The following SYNDIG1L variants were observed in gnomAD, a reference collection of about 807,000 sequenced individuals.
SYNDIG1L encodes synapse differentiation-inducing gene protein 1-like.
Under a neutral mutation model 20.1 loss-of-function variants are expected in SYNDIG1L, and 13 were observed. That is an observed-to-expected ratio of 0.65 (90% confidence interval 0.42 to 1.03). The LOEUF is 1.03. Among genes scored for constraint, SYNDIG1L ranks in the 50% least tolerant of loss-of-function variants. SYNDIG1L has a pLI of 0.00. For missense variants in SYNDIG1L, 294 were observed against 305.1 expected, an observed-to-expected ratio of 0.96 and a Z score of 0.27; for synonymous variants, 128 against 129.3, an observed-to-expected ratio of 0.99 and a Z score of 0.07.
intron 2 of SYNDIG1L, 147 bp from the exon 3 acceptor site, chr14:74,408,136 G>T: frequency 1.1e-6 from 1 of 944,428 alleles, no homozygotes; most frequent in Non-Finnish European, 1.5e-6. Flanking sequence ...ATGTAGGCTG[G>T]CCTTGGCACT....
intron 2 of SYNDIG1L, 29 bp downstream of exon 2, chr14:74,409,299 G>T (rs764929976): frequency 2.1e-6 from 3 of 1,404,188 alleles, no homozygotes; most frequent in South Asian, 3.3e-5. Flanking sequence ...GCTCATGCTG[G>T]AATCTGCATT....
the SYNDIG1L span, chr14:74,480,035 A>C: frequency 2.7e-6 from 4 of 1,479,016 alleles, no homozygotes; most frequent in Non-Finnish European, 3.6e-6. Flanking sequence ...AAAAAAATTA[A>C]ACATCTGCTA....
the SYNDIG1L span, among the ~76,000 whole-genome samples, chr14:74,465,043 C>T: frequency 3.3e-5 from 5 of 152,278 alleles, no homozygotes; most frequent in African/African-American, 1.2e-4. Context: ...TCCACTGGCT[C>T]TCCAGCCTGC....
At chr14:74,455,439 A>G in the SYNDIG1L span, among the ~76,000 whole-genome samples, 3 of 129,178 alleles carry the variant, frequency 2.3e-5, no homozygotes, top group Non-Finnish European at 3.1e-5. Flanking sequence ...CCTGTTGCCC[A>G]GGCTGGAGTG....
intron 1 of SYNDIG1L, among the ~76,000 whole-genome samples, chr14:74,421,018 C>T (rs1365684502): frequency 6.6e-6 from 1 of 151,922 alleles, no homozygotes; most frequent in East Asian, 1.9e-4. Context: ...AAAACAACTA[C>T]AGGAAAATAA....
At chr14:74,439,375 C>T in the SYNDIG1L span, among the ~76,000 whole-genome samples, 3 of 152,070 alleles carry the variant, frequency 2.0e-5, no homozygotes, top group Non-Finnish European at 2.9e-5. Flanking sequence ...GTGGTGGAAA[C>T]GGGGATTTGA....
At chr14:74,434,504 G>A in the SYNDIG1L span, among the ~76,000 whole-genome samples, 6 of 152,046 alleles carry the variant, frequency 3.9e-5, no homozygotes. Context: ...GCAGGGAGTG[G>A]GAAACACAGT....
chr14:74,417,599 A>G (rs1306678038), intron 1 of SYNDIG1L, among the ~76,000 whole-genome samples: 1 of 152,028 alleles, frequency 6.6e-6, no homozygotes, highest in African/African-American at 2.4e-5. Context: ...CATTGTTTAG[A>G]TGAGGAAACT....
chr14:74,445,180 AC>A, the SYNDIG1L span, among the ~76,000 whole-genome samples: 4 of 152,030 alleles, frequency 2.6e-5, no homozygotes, highest in Non-Finnish European at 5.9e-5. Context: ...TCCCTCTCTC[AC>A]CATGTGATAT....
chr14:74,437,324 C>T, the SYNDIG1L span, among the ~76,000 whole-genome samples: 1 of 152,152 alleles, frequency 6.6e-6, no homozygotes, highest in African/African-American at 2.4e-5. Context: ...TCCTCAAGTA[C>T]CTAATGATAA....
At chr14:74,430,791 A>T (rs1174473582), upstream of SYNDIG1L, among the ~76,000 whole-genome samples, 1 of 151,778 alleles carries the variant, frequency 6.6e-6, no homozygotes, top group Admixed American at 6.6e-5. Context: ...ACAGAGTCTT[A>T]CTCTGTCACC....
the SYNDIG1L span, among the ~76,000 whole-genome samples, chr14:74,434,986 G>A: frequency 6.7e-6 from 1 of 150,286 alleles, no homozygotes; most frequent in East Asian, 2.0e-4. Flanking sequence ...GGGAGGCGGA[G>A]GCAGGAGAAT....
At chr14:74,476,681 A>G in the SYNDIG1L span, 1 of 975,196 alleles carries the variant, frequency 1.0e-6, no homozygotes, top group African/African-American at 1.6e-5. Flanking sequence ...ACCCTCTTCC[A>G]GGACCCTTGA....
At chr14:74,459,254 A>C in the SYNDIG1L span, among the ~76,000 whole-genome samples, 3 of 151,990 alleles carry the variant, frequency 2.0e-5, no homozygotes, top group African/African-American at 7.3e-5. Flanking sequence ...GGTGGCTCAC[A>C]CCTGTAATCC....
intron 1 of SYNDIG1L, among the ~76,000 whole-genome samples, chr14:74,422,653 T>TCACACTCACACACACA (rs2086231697): frequency 7.1e-6 from 1 of 140,394 alleles, no homozygotes; most frequent in Non-Finnish European, 1.5e-5. Context: ...ATCTCTCTCT[T>TCACACTCACACACACA]CACACACACA....
At chr14:74,479,236 G>T in the SYNDIG1L span, 1 of 152,150 alleles carries the variant, frequency 6.6e-6, no homozygotes, top group African/African-American at 2.4e-5. Flanking sequence ...TGGTTTTCCT[G>T]GGAAACTCAC....
At chr14:74,409,045 G>A (rs1232748217) in intron 2 of SYNDIG1L, among the ~76,000 whole-genome samples, 1 of 124,548 alleles carries the variant, frequency 8.0e-6, no homozygotes, top group African/African-American at 3.1e-5. Context: ...CTGGGAACTT[G>A]CATTTTATTT....
intron 1 of SYNDIG1L, among the ~76,000 whole-genome samples, chr14:74,420,240 C>T (rs532692696): frequency 4.8e-4 from 73 of 151,638 alleles, no homozygotes; most frequent in Non-Finnish European, 8.4e-4. Flanking sequence ...CTACTAACAA[C>T]ACAAAATTAA....
the SYNDIG1L span, among the ~76,000 whole-genome samples, chr14:74,448,134 G>A: frequency 2.0e-5 from 3 of 152,000 alleles, no homozygotes; most frequent in Admixed American, 1.3e-4. Flanking sequence ...ACAAATACTA[G>A]GATGATAGCT....
Sources: gnomAD v4.1 joint callset for allele counts (sites outside exome capture counted in the v4.1 genomes callset) on GRCh38, gnomAD v4.1.1 for gene constraint, MANE v1.5 for transcripts, NCBI Gene and HGNC (gene_info 2026-07-23, HGNC 2026-07-21) for gene names.